The following HELB variants were observed in gnomAD, a reference collection of about 807,000 sequenced individuals.
HELB encodes DNA helicase B, also known as DNA 5'-3' helicase B.
HELB carries 96 observed loss-of-function variants against 101.7 expected under a neutral mutation model. The observed-to-expected ratio is 0.94, with a 90% confidence interval of 0.80 to 1.12. The LOEUF (loss-of-function observed/expected upper bound fraction) is 1.12, where lower values mean the gene tolerates loss of function less well. Among genes scored for constraint, HELB ranks in the 50% most tolerant of loss-of-function variants. The probability of loss-of-function intolerance (pLI) is 0.00; values close to 1 mark genes in which losing one functional copy is unlikely to be tolerated. For missense variants in HELB, 1,210 were observed against 1,291.9 expected (o/e 0.94, Z 0.97); for synonymous variants, 437 against 459.7 (o/e 0.95, Z 0.63).
intron 2 of HELB, among the ~76,000 whole-genome samples, 193 bp downstream of exon 2, chr12:66,305,343 A>T (rs1280709322): frequency 1.3e-5 from 2 of 152,196 alleles, no homozygotes; most frequent in Non-Finnish European, 2.9e-5. Flanking sequence ...ATATGAGCTG[A>T]TCTTTAAAAT....
In HELB at chr12:66,309,969, G is replaced by A. The variant is rs1057254793; in HGVS notation, c.1041G>A (p.Glu347=). 3.1e-6 allele frequency: 5 copies of A among 1,614,068 alleles called. No individual in the cohort carries two copies. The highest frequency in any genetic ancestry group is 1.7e-5 in the Admixed American group (1 of 60,000). Residue 347 remains glutamate, a synonymous_variant, in exon 4 of 13, where the codon GAG becomes GAA. Transcript: ENST00000247815. ...AGGATATTGGTGTGGTGACATATGA[G>A]AAGTCCTGTGTCTTCCCTTATGACC... is the stretch of plus-strand genomic sequence containing the variant. ...FLKDIGVVTY[E]KSCVFPYDLY...
Position 66,322,786 on chromosome 12 carries a change from G to C in HELB, c.2297+3G>C. Reference sequence around the variant, plus strand: ...CACTACACAGGCCACCTCACCAAGTGAGTGTCTTCGAGAACTGAAACTTTT... The same window carrying C: ...CACTACACAGGCCACCTCACCAAGTCAGTGTCTTCGAGAACTGAAACTTTT... On this transcript the variant is annotated splice_donor_region_variant and intron_variant, in intron 9 of 12. Transcript: ENST00000247815. 6.3e-7 allele frequency: 1 copy of C among 1,591,738 alleles called. No homozygotes were observed. Among genetic ancestry groups the C allele is most frequent in the Non-Finnish European group, 8.6e-7 (1 of 1,165,014 alleles).
intron 8 of HELB, 22 bp downstream of exon 8, chr12:66,322,051 A>T (rs1367934136): frequency 3.3e-6 from 3 of 895,564 alleles, no homozygotes; most frequent in Non-Finnish European, 5.2e-6. Flanking sequence ...ATAATATTTT[A>T]ATGTTTTTAA....
At chr12:66,339,787 T>A (rs1344263058), downstream of HELB, 1 of 152,178 alleles carries the variant, frequency 6.6e-6, no homozygotes, top group Non-Finnish European at 1.5e-5. Context: ...TCACACTCCT[T>A]AGCAGTAATC....
In HELB at chr12:66,315,968, T is replaced by C. The variant is rs113569799; in HGVS notation, c.2000+585T>C. Among the ~76,000 whole-genome samples the C allele has an allele frequency of 2.5e-3, 385 of 152,380 alleles. 5 individuals are homozygous for C. Among genetic ancestry groups the C allele is most frequent in the African/African-American group, 8.0e-3 (334 of 41,596 alleles). On this transcript the variant is annotated intron_variant, in intron 6 of 12. Coordinates refer to ENST00000247815, the MANE Select transcript of HELB (RefSeq NM_001370285.1). ...CACAATCATTATTATTTCATGACTT[T>C]TTTTTAATACAGTCATGCGCCACAT... is the stretch of plus-strand genomic sequence containing the variant.
chr12:66,340,080 C>T (rs555559457), downstream of HELB: 1 of 152,296 alleles, frequency 6.6e-6, no homozygotes, highest in East Asian at 1.9e-4. Context: ...CTATGAACAT[C>T]TGTGTATAAG....
intron 11 of HELB, among the ~76,000 whole-genome samples, chr12:66,327,327 T>A (rs1284037606): frequency 6.6e-6 from 1 of 151,860 alleles, no homozygotes; most frequent in Non-Finnish European, 1.5e-5. Context: ...TTTACGAAAT[T>A]TTCTTTTTCT....
intron 4 of HELB, among the ~76,000 whole-genome samples, chr12:66,311,995 G>C (rs2053550516): frequency 6.6e-6 from 1 of 152,204 alleles, no homozygotes; most frequent in African/African-American, 2.4e-5. Context: ...TAGTGTGCCT[G>C]GAGGATTTTG....
chr12:66,324,091 T>C lies in HELB; in HGVS notation c.2406T>C (p.Asn802=). The change falls in exon 10 of 13, where the codon AAT becomes AAC. Residue 802 remains asparagine, a synonymous_variant. Coordinates refer to ENST00000247815, the MANE Select transcript of HELB (RefSeq NM_001370285.1). ...LPENISGSQQ[N]NDLDASSEDF... ...AAAATATCTCTGGAAGTCAGCAAAATAATGATCTAGATGCCAGTAGTGAAG... is the reference window on the plus strand; with the variant it reads ...AAAATATCTCTGGAAGTCAGCAAAACAATGATCTAGATGCCAGTAGTGAAG... The C allele has an allele frequency of 6.2e-7, 1 of 1,613,834 alleles. No individual in the cohort carries two copies. Among genetic ancestry groups the C allele is most frequent in the Non-Finnish European group, 8.5e-7 (1 of 1,179,812 alleles).
intron 8 of HELB, among the ~76,000 whole-genome samples, chr12:66,322,420 C>G (rs1395607665): frequency 6.6e-6 from 1 of 151,584 alleles, no homozygotes; most frequent in South Asian, 2.1e-4. Context: ...CAAAAATTAG[C>G]CAGGCGTCAT....
downstream of HELB, chr12:66,340,319 T>C (rs1336374529): frequency 6.6e-6 from 1 of 152,254 alleles, no homozygotes. Context: ...TCCTAGTGGG[T>C]ATGAAGTAGT....
intron 12 of HELB, among the ~76,000 whole-genome samples, chr12:66,335,573 T>C (rs2053858078): frequency 6.6e-6 from 1 of 152,286 alleles, no homozygotes. Flanking sequence ...CAAGGAAAAC[T>C]TTATTGGTTT....
Position 66,304,985 on chromosome 12 carries a change from G to T in HELB, c.442G>T (p.Val148Leu). 1 of 1,613,916 alleles carries T rather than the reference G, an allele frequency of 6.2e-7. No individual in the cohort carries two copies. The highest frequency in any genetic ancestry group is 8.5e-7 in the Non-Finnish European group (1 of 1,179,964). The part of the protein sequence containing the change: ...SDDVNKFLTW[V>L]KEVSNYKNLN... ...TGATGTTAATAAATTTTTAACATGGGTAAAGGAGGTATCAAACTACAAAAA... is the reference window on the plus strand; with the variant it reads ...TGATGTTAATAAATTTTTAACATGGTTAAAGGAGGTATCAAACTACAAAAA... Residue 148 changes from valine to leucine, a missense_variant, in exon 2 of 13, where the codon GTA becomes TTA. Val to Leu is a conservative substitution (Grantham distance 32, BLOSUM62 1). Transcript: ENST00000247815.
In HELB at chr12:66,305,032, G is replaced by A; in HGVS notation, c.489G>A (p.Arg163=). ...AAAACCTAAACTTTGAAAATCTTAG[G>A]GAAACACTAAGAACTTTCCACAAGG... ...NYKNLNFENL[R]ETLRTFHKET... The change falls in exon 2 of 13, where the codon AGG becomes AGA. Residue 163 remains arginine (R), a synonymous_variant. Transcript: ENST00000247815. The A allele has an allele frequency of 6.2e-7, 1 of 1,613,244 alleles. No individual in the cohort carries two copies. Among genetic ancestry groups the A allele is most frequent in the Non-Finnish European group, 8.5e-7 (1 of 1,179,524 alleles).
In HELB at chr12:66,309,767, G is replaced by T; in HGVS notation, c.839G>T (p.Cys280Phe). The T allele has an allele frequency of 6.2e-7, 1 of 1,614,086 alleles. No homozygotes were observed. Among genetic ancestry groups the T allele is most frequent in the Non-Finnish European group, 8.5e-7 (1 of 1,179,936 alleles). ...GCAAGTTGGATAGCATTTTGTCAGT[G>T]TGAGTCTCTTCTCCAGCTGATGACT... is the stretch of plus-strand genomic sequence containing the variant. ...CEASWIAFCQ[C>F]ESLLQLMTDL... is the part of the protein sequence containing the mutation. Residue 280 changes from cysteine to phenylalanine, a missense_variant, in exon 4 of 13, where the codon TGT becomes TTT. This residue lies in a region of HELB where 470 missense variants were observed against 563.1 expected (regional missense o/e 0.83). Coordinates refer to ENST00000247815, the MANE Select transcript of HELB (RefSeq NM_001370285.1).
In HELB at chr12:66,318,913, A is replaced by AAGAGACATT. The variant is rs552873942; in HGVS notation, c.2155+122_2155+130dup. 116 of 730,962 alleles carry AAGAGACATT rather than the reference A, an allele frequency of 1.6e-4. No individual in the cohort carries two copies. The African/African-American group carries it at 2.0e-3, about 12-fold the overall frequency. The allele number at this position is 730,962 out of a possible 1,614,324, so 45.3% of individuals were successfully genotyped here. On this transcript the variant is annotated intron_variant, in intron 7 of 12. Coordinates refer to ENST00000247815, the MANE Select transcript of HELB (RefSeq NM_001370285.1). ...TAAAGAGAAATATTGCTAGCAAAAA[A>AAGAGACATT]AGAGACATTGAAAATAAATGAACTT...
intron 7 of HELB, chr12:66,321,696 G>A (rs2053672304): frequency 2.7e-6 from 1 of 376,202 alleles, no homozygotes; most frequent in Non-Finnish European, 4.9e-6. Flanking sequence ...TATTACAAAT[G>A]GGGAACTGTC....
chr12:66,310,905 G>A (rs1369974623), intron 4 of HELB, among the ~76,000 whole-genome samples: 3 of 152,106 alleles, frequency 2.0e-5, no homozygotes, highest in African/African-American at 7.2e-5. Flanking sequence ...GCTCCAGCCT[G>A]GGCAACAGAG....
In HELB at chr12:66,305,064, G is replaced by A. The variant is rs889214867; in HGVS notation, c.521G>A (p.Gly174Glu). Residue 174 changes from glycine to glutamate, a missense_variant, in exon 2 of 13, where the codon GGA becomes GAA. This residue lies in a region of HELB where 470 missense variants were observed against 563.1 expected (regional missense o/e 0.83). Transcript: ENST00000247815. ...ETLRTFHKET[G>E]RKDQKQPTQN... ...CTAAGAACTTTCCACAAGGAAACTG[G>A]AAGGAAAGATCAAAAGCAGCCTACA... 4 of 1,611,452 alleles carry A rather than the reference G, an allele frequency of 2.5e-6. No individual in the cohort carries two copies. The African/African-American group carries it at 4.0e-5, about 16-fold the overall frequency.
Sources: allele counts gnomAD v4.1 joint callset (sites outside exome capture counted in the v4.1 genomes callset), GRCh38; gene constraint gnomAD v4.1.1; regional missense constraint gnomAD v4.1.1; transcripts MANE v1.5; gene names NCBI Gene and HGNC (gene_info 2026-07-23, HGNC 2026-07-21).